RIMS1: variants seen among roughly 807,000 people sequenced by gnomAD.
RIMS1 encodes the protein regulating synaptic membrane exocytosis protein 1.
A neutral mutation model predicts 214.1 loss-of-function variants in RIMS1; 83 were observed. That is an observed-to-expected ratio of 0.39 (90% CI 0.32 to 0.47). The LOEUF (loss-of-function observed/expected upper bound fraction) is 0.47, where lower values mean the gene tolerates loss of function less well. Among genes scored for constraint, RIMS1 ranks in the 20% least tolerant of loss-of-function variants. The pLI is 0.99. For missense variants in RIMS1, 2,050 were observed against 2,161.8 expected (o/e 0.95, Z 1.03); for synonymous variants, 793 against 786.8 (o/e 1.01, Z -0.13).
chr6:72,001,278 A>G lies in RIMS1; in HGVS notation c.245+32215A>G, dbSNP rs143283123. On this transcript the variant is annotated intron_variant, in intron 2 of 33. Coordinates refer to ENST00000521978, the MANE Select transcript of RIMS1 (RefSeq NM_014989.7). ...TCTTCATCCTCATGCATTCTTACAC[A>G]TCGATATATTTTACTTTGTTCTTCT... 1.0e-3 allele frequency among the ~76,000 whole-genome samples: 154 copies of G among 152,194 alleles called. 1 individual carries two copies. The highest frequency in any genetic ancestry group is 3.3e-3 in the African/African-American group (138 of 41,546).
chr6:72,361,257 C>T (rs373126527), intron 29 of RIMS1, among the ~76,000 whole-genome samples: 15 of 151,688 alleles, frequency 9.9e-5, no homozygotes, highest in African/African-American at 2.7e-4. Context: ...AGGCACATGC[C>T]GCCACGCCCT....
chr6:72,264,931 A>G (rs369673501), intron 19 of RIMS1, 44 bp from the exon 20 acceptor site: 5 of 1,258,070 alleles, frequency 4.0e-6, no homozygotes, highest in African/African-American at 1.5e-5. Flanking sequence ...TTGGTTTCAT[A>G]TATATTTTTC....
intron 2 of RIMS1, among the ~76,000 whole-genome samples, chr6:72,003,430 C>CATGAATGA (rs554101317): frequency 9.2e-5 from 14 of 151,876 alleles, no homozygotes; most frequent in African/African-American, 1.7e-4. Context: ...TGGATGAATA[C>CATGAATGA]ATGAATGAAT....
At chr6:71,979,670 A>G (rs544066918) in intron 2 of RIMS1, among the ~76,000 whole-genome samples, 7 of 152,056 alleles carry the variant, frequency 4.6e-5, no homozygotes, top group Non-Finnish European at 7.4e-5. Context: ...TTATCTCTGT[A>G]TGTTTCTTAT....
chr6:72,341,757 C>G (rs1024488559), intron 29 of RIMS1, among the ~76,000 whole-genome samples: 13 of 151,730 alleles, frequency 8.6e-5, no homozygotes, highest in Admixed American at 6.6e-4. Context: ...AGTGGGGAGA[C>G]AAATTGGTCA....
intron 2 of RIMS1, among the ~76,000 whole-genome samples, chr6:72,035,226 A>G (rs1474077623): frequency 1.3e-5 from 2 of 152,190 alleles, no homozygotes; most frequent in Non-Finnish European, 2.9e-5. Context: ...GTAAGGGTCT[A>G]ATAAGAATTG....
At chr6:72,172,816 T>G (rs1226873864) in intron 4 of RIMS1, among the ~76,000 whole-genome samples, 1 of 152,202 alleles carries the variant, frequency 6.6e-6, no homozygotes, top group Non-Finnish European at 1.5e-5. Flanking sequence ...TTGCCTTTTG[T>G]GTTGTTGCTG....
intron 2 of RIMS1, among the ~76,000 whole-genome samples, chr6:72,023,206 C>T (rs918879084): frequency 5.3e-5 from 8 of 152,148 alleles, no homozygotes; most frequent in Non-Finnish European, 5.9e-5. Context: ...CTCATTTACA[C>T]TCTGAAAGAG....
chr6:72,307,664 T>C (rs2095291886), intron 27 of RIMS1, among the ~76,000 whole-genome samples: 1 of 152,052 alleles, frequency 6.6e-6, no homozygotes. Context: ...GGAGAATCCC[T>C]TGAACCTGGG....
At chr6:72,321,401 A>G (rs1165517057) in intron 28 of RIMS1, among the ~76,000 whole-genome samples, 1 of 152,082 alleles carries the variant, frequency 6.6e-6, no homozygotes, top group African/African-American at 2.4e-5. Context: ...TTGTTTTTGT[A>G]TGTGTTGCAT....
At chr6:72,269,923 C>G (rs903908327) in intron 22 of RIMS1, among the ~76,000 whole-genome samples, 2 of 152,214 alleles carry the variant, frequency 1.3e-5, no homozygotes, top group East Asian at 1.9e-4. Flanking sequence ...CCTTCTTAAC[C>G]TCCTCCCCTG....
At chr6:72,310,154 T>C (rs2095437490) in intron 27 of RIMS1, among the ~76,000 whole-genome samples, 1 of 152,114 alleles carries the variant, frequency 6.6e-6, no homozygotes, top group Non-Finnish European at 1.5e-5. Flanking sequence ...AGTTGAAATT[T>C]ATGCCAAGCC....
intron 1 of RIMS1, among the ~76,000 whole-genome samples, chr6:71,912,656 C>T (rs1224198600): frequency 6.6e-6 from 1 of 151,860 alleles, no homozygotes; most frequent in South Asian, 2.1e-4. Flanking sequence ...CAAGAGGTCT[C>T]GATGAAACAT....
intron 2 of RIMS1, among the ~76,000 whole-genome samples, chr6:72,057,426 G>A (rs1331396280): frequency 2.0e-5 from 3 of 151,878 alleles, no homozygotes; most frequent in Non-Finnish European, 4.4e-5. Context: ...GACTGTATGG[G>A]GATAACCTTC....
At chr6:72,152,719 AATATATATATATGGAATATATGT>A (rs1562441124) in intron 4 of RIMS1, among the ~76,000 whole-genome samples, 14 of 116,150 alleles carry the variant, frequency 1.2e-4, no homozygotes, top group Non-Finnish European at 2.3e-4. Context: ...TATATATGTG[AATATATATATATGGAATATATGT>A]ATATATATGT....
At chr6:72,049,606 GT>G (rs1824047373) in intron 2 of RIMS1, among the ~76,000 whole-genome samples, 1 of 152,138 alleles carries the variant, frequency 6.6e-6, no homozygotes, top group South Asian at 2.1e-4. Flanking sequence ...ACGAGGTAAG[GT>G]CAGCAAACAA....
intron 4 of RIMS1, chr6:72,148,509 G>A (rs1026406755): frequency 2.2e-6 from 1 of 446,032 alleles, no homozygotes; most frequent in Non-Finnish European, 4.5e-6. Context: ...TAGAGGGTAG[G>A]ATTATTTGCA....
intron 2 of RIMS1, among the ~76,000 whole-genome samples, chr6:71,973,311 T>C (rs1301845810): frequency 6.6e-6 from 1 of 152,182 alleles, no homozygotes; most frequent in Admixed American, 6.5e-5. Context: ...AACATCAGGT[T>C]GTGCTGGGGT....
intron 31 of RIMS1, among the ~76,000 whole-genome samples, chr6:72,396,886 G>A (rs1040122996): frequency 2.0e-5 from 3 of 152,036 alleles, no homozygotes; most frequent in African/African-American, 4.8e-5. Context: ...GGTGGCACAT[G>A]CCTGTAGTCC....
Sources: allele counts gnomAD v4.1 joint callset (sites outside exome capture counted in the v4.1 genomes callset), GRCh38; gene constraint gnomAD v4.1.1; transcripts MANE v1.5; gene names NCBI Gene and HGNC (gene_info 2026-07-23, HGNC 2026-07-21).